N4BP2L1: variants seen among roughly 807,000 people sequenced by gnomAD.
N4BP2L1 encodes the protein NEDD4-binding protein 2-like 1.
N4BP2L1 carries 12 observed loss-of-function variants against 21.2 expected under a neutral mutation model. That is an observed-to-expected ratio of 0.57 (90% confidence interval 0.36 to 0.92). The LOEUF is 0.92. Ranked by LOEUF, N4BP2L1 falls within the 40% of genes least tolerant of loss-of-function variation. The pLI is 0.01. For synonymous variants in N4BP2L1, 104 were observed against 112.8 expected, an observed-to-expected ratio of 0.92 and a Z score of 0.49; for missense variants, 259 against 310.6, an observed-to-expected ratio of 0.83 and a Z score of 1.25.
At chr13:32,428,147 CTGT>C, upstream of N4BP2L1, 1 of 1,374,596 alleles carries the variant, frequency 7.3e-7, no homozygotes. Flanking sequence ...TTGGCCAAAG[CTGT>C]TGTTTTTGTG....
Position 32,402,793 on chromosome 13 carries a change from A to G in N4BP2L1, c.*149T>C, listed in dbSNP as rs770501520. 3 of 1,404,752 alleles carry G rather than the reference A, an allele frequency of 2.1e-6. No individual in the cohort carries two copies. The highest frequency in any genetic ancestry group is 2.8e-6 in the Non-Finnish European group (3 of 1,077,632). 87.0% of individuals were successfully genotyped at this position (1,404,752 alleles called of 1,614,324 possible). The stretch of plus-strand genomic sequence containing the variant: ...GAAGCACTTTAACAAATTTTGGTGA[A>G]GAAAGTGAATATAATGACTTTGCTC... On this transcript the variant is annotated 3_prime_UTR_variant, in exon 5 of 5. Transcript: ENST00000380130.
chr13:32,429,612 G>A (rs1347776011), upstream of N4BP2L1, among the ~76,000 whole-genome samples: 1 of 152,336 alleles, frequency 6.6e-6, no homozygotes, highest in South Asian at 2.1e-4. Flanking sequence ...CGGGCCCGGT[G>A]CAGTGGCTCA....
At position 32,402,805 on chromosome 13, in the gene N4BP2L1, T is replaced by C; in HGVS notation, c.*137A>G. Reference sequence around the variant, plus strand: ...CAAATTTTGGTGAAGAAAGTGAATATAATGACTTTGCTCAGAAACTTTTGA... The same window carrying C: ...CAAATTTTGGTGAAGAAAGTGAATACAATGACTTTGCTCAGAAACTTTTGA... On this transcript the variant is annotated 3_prime_UTR_variant, in exon 5 of 5. Transcript: ENST00000380130. The C allele has an allele frequency of 4.9e-6, 7 of 1,417,860 alleles. No homozygotes were observed. The highest frequency in any genetic ancestry group is 3.4e-5 in the South Asian group (2 of 58,486). 87.8% of individuals were successfully genotyped at this position (1,417,860 alleles called of 1,614,324 possible). A position where few individuals can be genotyped will look rare whatever the true frequency, so the allele number is the denominator to read the frequency against.
chr13:32,410,746 G>C (rs1248002146), intron 1 of N4BP2L1, among the ~76,000 whole-genome samples: 1 of 152,168 alleles, frequency 6.6e-6, no homozygotes. Flanking sequence ...TTTAAATAAT[G>C]AAAGTTGTGT....
At chr13:32,408,586 T>C (rs139802015) in intron 1 of N4BP2L1, among the ~76,000 whole-genome samples, 1 of 152,372 alleles carries the variant, frequency 6.6e-6, no homozygotes, top group Non-Finnish European at 1.5e-5. Context: ...TACTATCTTT[T>C]GGCAGAAGGT....
intron 1 of N4BP2L1, among the ~76,000 whole-genome samples, chr13:32,412,641 C>CCA (rs1253647482): frequency 5.4e-4 from 55 of 101,048 alleles, no homozygotes; most frequent in African/African-American, 2.0e-3. Context: ...TCAACTGTCT[C>CCA]AAAAAAAAAA....
In N4BP2L1 at chr13:32,402,813, T is replaced by C; in HGVS notation, c.*129A>G. The stretch of plus-strand genomic sequence containing the variant: ...GGTGAAGAAAGTGAATATAATGACT[T>C]TGCTCAGAAACTTTTGAGTTCAGCT... On this transcript the variant is annotated 3_prime_UTR_variant, in exon 5 of 5. Transcript: ENST00000380130. 7.0e-7 allele frequency: 1 copy of C among 1,425,900 alleles called. No individual in the cohort carries two copies. The highest frequency in any genetic ancestry group is 9.2e-7 in the Non-Finnish European group (1 of 1,086,866). The allele number at this position is 1,425,900 out of a possible 1,614,324, so 88.3% of individuals were successfully genotyped here.
chr13:32,412,570 T>C (rs1016899068), intron 1 of N4BP2L1, among the ~76,000 whole-genome samples: 1 of 148,502 alleles, frequency 6.7e-6, no homozygotes, highest in Admixed American at 6.9e-5. Context: ...GAAATTGCAG[T>C]GAGCCAAGAC....
intron 1 of N4BP2L1, among the ~76,000 whole-genome samples, chr13:32,409,756 T>TG (rs988341007): frequency 6.6e-6 from 1 of 151,920 alleles, no homozygotes; most frequent in Non-Finnish European, 1.5e-5. Flanking sequence ...TGCTGCCTCT[T>TG]GGGGGAGGGG....
intron 1 of N4BP2L1, among the ~76,000 whole-genome samples, chr13:32,411,000 C>T (rs2073827093): frequency 6.6e-6 from 1 of 152,040 alleles, no homozygotes; most frequent in East Asian, 1.9e-4. Flanking sequence ...TCTTGTTTTC[C>T]TCTTTGTGGT....
Position 32,402,337 on chromosome 13 carries a change from T to C in N4BP2L1, c.*605A>G. 1 of 571,644 alleles carries C rather than the reference T, an allele frequency of 1.7e-6. No homozygotes were observed. Among genetic ancestry groups the C allele is most frequent in the Non-Finnish European group, 2.2e-6 (1 of 452,466 alleles). 35.4% of individuals were successfully genotyped at this position (571,644 alleles called of 1,614,324 possible). A position where few individuals can be genotyped will look rare whatever the true frequency, so the allele number is the denominator to read the frequency against. ...GATTTGACAGCATTTTTAACAATGA[T>C]ACATCATTAAAATAAAGAAATAACT... On this transcript the variant is annotated 3_prime_UTR_variant, in exon 5 of 5. Coordinates refer to ENST00000380130, the MANE Select transcript of N4BP2L1 (RefSeq NM_052818.3).
At chr13:32,418,569 C>T (rs747092903) in intron 1 of N4BP2L1, among the ~76,000 whole-genome samples, 28 of 152,222 alleles carry the variant, frequency 1.8e-4, no homozygotes, top group Non-Finnish European at 3.5e-4. Flanking sequence ...AAGAGGGCCA[C>T]TGCCCACCAG....
upstream of N4BP2L1, among the ~76,000 whole-genome samples, chr13:32,429,059 A>C (rs1013304421): frequency 9.2e-5 from 14 of 152,268 alleles, no homozygotes; most frequent in African/African-American, 3.1e-4. Context: ...GAAATGCAGA[A>C]TATATGGTGG....
At chr13:32,404,424 T>C in intron 3 of N4BP2L1, 27 bp from the exon 4 acceptor site, 1 of 1,506,840 alleles carries the variant, frequency 6.6e-7, no homozygotes, top group Non-Finnish European at 9.2e-7. Context: ...ACATAAAACA[T>C]TGAAGACATA....
At chr13:32,423,592 T>C (rs755041059) in intron 1 of N4BP2L1, among the ~76,000 whole-genome samples, 70 of 152,224 alleles carry the variant, frequency 4.6e-4, no homozygotes, top group Non-Finnish European at 9.3e-4. Flanking sequence ...TAATATTTTA[T>C]TGAGATACAA....
rs2073257162 is a variant in N4BP2L1 at position 32,403,211 on chromosome 13, A to G, written c.474-11T>C. The G allele has an allele frequency of 6.3e-7, 1 of 1,579,588 alleles. No individual in the cohort carries two copies. The highest frequency in any genetic ancestry group is 8.6e-7 in the Non-Finnish European group (1 of 1,162,776). On this transcript the variant is annotated splice_polypyrimidine_tract_variant and intron_variant, in intron 4 of 4. Coordinates refer to ENST00000380130, the MANE Select transcript of N4BP2L1 (RefSeq NM_052818.3). ...CCATGAATGTTTCTTCTACATGGAA[A>G]AAAAATGCATTTAGTTAAGGCAGGA...
At chr13:32,418,271 G>A (rs1375032027) in intron 1 of N4BP2L1, among the ~76,000 whole-genome samples, 1 of 152,316 alleles carries the variant, frequency 6.6e-6, no homozygotes, top group African/African-American at 2.4e-5. Flanking sequence ...TGGCTAAAAG[G>A]GGTCAATGTA....
At chr13:32,403,871 C>A (rs932010719) in intron 4 of N4BP2L1, 3 of 455,776 alleles carry the variant, frequency 6.6e-6, no homozygotes, top group Non-Finnish European at 1.3e-5. Flanking sequence ...ATATCTGAAC[C>A]CATGCATTCA....
intron 1 of N4BP2L1, among the ~76,000 whole-genome samples, chr13:32,414,362 A>T (rs557177005): frequency 1.3e-5 from 2 of 152,300 alleles, no homozygotes; most frequent in Admixed American, 1.3e-4. Flanking sequence ...CTACTTCTTT[A>T]ATTATCAGCA....
Sources: gnomAD v4.1 joint callset for allele counts (sites outside exome capture counted in the v4.1 genomes callset) on GRCh38, gnomAD v4.1.1 for gene constraint, MANE v1.5 for transcripts, NCBI Gene and HGNC (gene_info 2026-07-23, HGNC 2026-07-21) for gene names.